Variants in GLIS3 observed in about 807,000 individuals in gnomAD.
GLIS3 encodes the protein zinc finger protein GLIS3.
Under a neutral mutation model 78.6 loss-of-function variants are expected in GLIS3, and 53 were observed. The ratio of observed to expected loss-of-function variants is 0.67; its 90% CI spans 0.54 to 0.85. The LOEUF is 0.85. GLIS3 is among the 40% of genes least tolerant of loss of function. GLIS3 has a pLI of 0.00. For synonymous variants in GLIS3, 684 were observed against 509.9 expected (o/e 1.34, Z -4.60); for missense variants, 1,703 against 1,231.1 (o/e 1.38, Z -5.74).
At chr9:3,828,903 G>C (rs1817877828) in intron 10 of GLIS3, among the ~76,000 whole-genome samples, 1 of 152,208 alleles carries the variant, frequency 6.6e-6, no homozygotes, top group Non-Finnish European at 1.5e-5. Context: ...TGGGGGCTTT[G>C]AATGCCATGC....
the GLIS3 span, among the ~76,000 whole-genome samples, chr9:4,383,634 T>C: frequency 2.0e-5 from 3 of 152,122 alleles, no homozygotes; most frequent in African/African-American, 7.2e-5. Flanking sequence ...TCTATTAAGA[T>C]GGTTAAAAGG....
At chr9:4,304,536 G>C (rs191647089), upstream of GLIS3, among the ~76,000 whole-genome samples, 46 of 152,086 alleles carry the variant, frequency 3.0e-4, no homozygotes, top group African/African-American at 1.1e-3. Flanking sequence ...CTGAATTCTA[G>C]CCTCAAAATA....
At chr9:4,196,046 G>A (rs1563736676) in intron 2 of GLIS3, among the ~76,000 whole-genome samples, 1 of 152,070 alleles carries the variant, frequency 6.6e-6, no homozygotes, top group African/African-American at 2.4e-5. Context: ...GAACTTTTAT[G>A]TCTAGCTAAA....
intron 4 of GLIS3, among the ~76,000 whole-genome samples, chr9:4,082,212 T>G (rs1469298245): frequency 6.6e-6 from 1 of 152,220 alleles, no homozygotes. Context: ...AATTTAAATG[T>G]GGCACTGCTT....
intron 4 of GLIS3, among the ~76,000 whole-genome samples, chr9:4,022,184 T>C (rs78937826): frequency 0.012 from 1,809 of 152,272 alleles, 47 homozygotes; most frequent in African/African-American, 0.041. Flanking sequence ...ACTAATATCA[T>C]CCCTATTTCA....
chr9:4,372,615 C>T, the GLIS3 span, among the ~76,000 whole-genome samples: 8 of 151,060 alleles, frequency 5.3e-5, no homozygotes, highest in African/African-American at 1.2e-4. Flanking sequence ...AAGGAATTTG[C>T]GTCAAATTTA....
chr9:4,123,923 G>T, intron 3 of GLIS3: 1 of 394,902 alleles, frequency 2.5e-6, no homozygotes, highest in Non-Finnish European at 4.5e-6. Flanking sequence ...TCTCAAACTG[G>T]ACAGTTCATG....
chr9:4,371,988 C>T, the GLIS3 span, among the ~76,000 whole-genome samples: 4,181 of 152,258 alleles, frequency 0.027, 187 homozygotes, highest in African/African-American at 0.096. Flanking sequence ...TTTTGTCAGC[C>T]CCCTTCTGGT....
At chr9:4,225,697 C>T (rs1821710213) in intron 2 of GLIS3, among the ~76,000 whole-genome samples, 1 of 152,152 alleles carries the variant, frequency 6.6e-6, no homozygotes, top group African/African-American at 2.4e-5. Flanking sequence ...TCATGAAGTT[C>T]AAACCATATT....
intron 2 of GLIS3, among the ~76,000 whole-genome samples, chr9:4,176,285 A>T (rs4741905): frequency 0.28 from 42,390 of 152,126 alleles, 6,356 homozygotes; most frequent in South Asian, 0.46. Context: ...AGAAGAAATA[A>T]CAACGATTTG....
chr9:3,892,442 T>C (rs1822528156), intron 7 of GLIS3, among the ~76,000 whole-genome samples: 1 of 152,156 alleles, frequency 6.6e-6, no homozygotes, highest in Non-Finnish European at 1.5e-5. Flanking sequence ...AAGCCAGTAT[T>C]CTGGGACAGT....
intron 4 of GLIS3, among the ~76,000 whole-genome samples, chr9:4,094,267 A>G (rs1432220711): frequency 1.3e-5 from 2 of 152,216 alleles, no homozygotes; most frequent in Non-Finnish European, 2.9e-5. Context: ...AAATATCAGA[A>G]TCTTGCTAAT....
the GLIS3 span, among the ~76,000 whole-genome samples, chr9:4,463,342 T>C: frequency 1.3e-5 from 2 of 152,298 alleles, no homozygotes; most frequent in South Asian, 4.1e-4. Context: ...AGAGAAAGCA[T>C]TAAACTATTC....
chr9:4,387,897 G>A, the GLIS3 span, among the ~76,000 whole-genome samples: 1 of 152,132 alleles, frequency 6.6e-6, no homozygotes, highest in Non-Finnish European at 1.5e-5. Context: ...CTTTCATGAG[G>A]GATACATTTC....
chr9:4,028,412 A>T (rs1823529740), intron 4 of GLIS3, among the ~76,000 whole-genome samples: 1 of 152,204 alleles, frequency 6.6e-6, no homozygotes, highest in South Asian at 2.1e-4. Context: ...TTCTCAAATC[A>T]CGCAGCCTTT....
At chr9:4,236,204 A>AAAAAAAAAAAAAAAG (rs536737911) in intron 2 of GLIS3, among the ~76,000 whole-genome samples, 84 of 86,380 alleles carry the variant, frequency 9.7e-4, no homozygotes, top group East Asian at 2.3e-3. Flanking sequence ...AAAAAAAAAA[A>AAAAAAAAAAAAAAAG]AAAGAAAGAA....
chr9:3,981,672 G>A (rs375535885), intron 4 of GLIS3, among the ~76,000 whole-genome samples: 57 of 152,278 alleles, frequency 3.7e-4, no homozygotes, highest in Admixed American at 3.7e-3. Context: ...GCTTTGCAGT[G>A]AGATGATAAA....
the GLIS3 span, among the ~76,000 whole-genome samples, chr9:4,356,209 A>G: frequency 6.6e-6 from 1 of 152,094 alleles, no homozygotes; most frequent in Non-Finnish European, 1.5e-5. Context: ...TCTTTCTTTC[A>G]TTTCAGTCGC....
At chr9:4,353,665 A>G in the GLIS3 span, among the ~76,000 whole-genome samples, 1 of 152,202 alleles carries the variant, frequency 6.6e-6, no homozygotes, top group Admixed American at 6.5e-5. Flanking sequence ...GCTAGAGTCT[A>G]AGATCATCTC....
Sources: gnomAD v4.1 joint callset for allele counts (sites outside exome capture counted in the v4.1 genomes callset) on GRCh38, gnomAD v4.1.1 for gene constraint, MANE v1.5 for transcripts, NCBI Gene and HGNC (gene_info 2026-07-23, HGNC 2026-07-21) for gene names.